CFH: variants seen among roughly 807,000 people sequenced by gnomAD.
CFH encodes the protein complement factor H, also known as H factor 1 (complement).
Under a neutral mutation model 147.3 loss-of-function variants are expected in CFH, and 53 were observed. The ratio of observed to expected loss-of-function variants is 0.36; its 90% CI spans 0.29 to 0.45. CFH has a LOEUF of 0.45. Among genes scored for constraint, CFH ranks in the 20% least tolerant of loss-of-function variants. CFH has a pLI of 1.00. For missense variants in CFH, 1,380 were observed against 1,498.0 expected, an observed-to-expected ratio of 0.92 and a Z score of 1.30; for synonymous variants, 536 against 489.4, an observed-to-expected ratio of 1.10 and a Z score of -1.26.
intron 20 of CFH, among the ~76,000 whole-genome samples, chr1:196,745,435 T>C (rs1652966388): frequency 6.6e-6 from 1 of 152,200 alleles, no homozygotes; most frequent in Non-Finnish European, 1.5e-5. Flanking sequence ...ATTAAGTATA[T>C]TCAGTGTTTT....
intron 6 of CFH, among the ~76,000 whole-genome samples, chr1:196,680,836 A>G (rs553600053): frequency 6.6e-6 from 1 of 152,028 alleles, no homozygotes; most frequent in Non-Finnish European, 1.5e-5. Context: ...TTTATACACT[A>G]AAAAAATTTT....
intron 2 of CFH, 104 bp from the exon 3 acceptor site, chr1:196,673,753 A>G: frequency 1.3e-6 from 1 of 784,822 alleles, no homozygotes; most frequent in Non-Finnish European, 2.3e-6. Context: ...CTTACATTCA[A>G]TCTGTCTTCT....
chr1:196,665,106 G>A (rs560210187), intron 1 of CFH, among the ~76,000 whole-genome samples: 1 of 151,442 alleles, frequency 6.6e-6, no homozygotes, highest in East Asian at 1.9e-4. Context: ...TCACGTTAAT[G>A]CCTGTTCTTA....
chr1:196,703,465 C>T (rs189437669), intron 9 of CFH, among the ~76,000 whole-genome samples: 1 of 152,268 alleles, frequency 6.6e-6, no homozygotes, highest in Admixed American at 6.5e-5. Flanking sequence ...CTTCTCCTGA[C>T]CCAGACAACA....
At chr1:196,658,197 C>A (rs933952948) in intron 1 of CFH, among the ~76,000 whole-genome samples, 4 of 151,702 alleles carry the variant, frequency 2.6e-5, no homozygotes, top group Admixed American at 1.3e-4. Flanking sequence ...AGTAGTTAAA[C>A]GTATTCACAC....
intron 21 of CFH, 137 bp from the exon 22 acceptor site, chr1:196,746,974 T>C (rs1185763621): frequency 1.8e-5 from 26 of 1,438,804 alleles, no homozygotes; most frequent in Non-Finnish European, 2.5e-5. Context: ...CAATATGATG[T>C]TTCTACATAG....
Position 196,652,098 on chromosome 1 carries a change from C to T in CFH, c.-20C>T, listed in dbSNP as rs760992411. 6.4e-7 allele frequency: 1 copy of T among 1,571,668 alleles called. No homozygotes were observed. The highest frequency in any genetic ancestry group is 1.1e-5 in the South Asian group (1 of 90,188). ...GTGAACAGAGTTAGCTGGTAAATGT[C>T]CTCTTAAAAGATCCAAAAAATGAGA... On this transcript the variant is annotated 5_prime_UTR_variant, in exon 1 of 22. Transcript: ENST00000367429.
intron 9 of CFH, chr1:196,701,582 G>A: frequency 1.9e-6 from 1 of 528,866 alleles, no homozygotes; most frequent in Non-Finnish European, 3.4e-6. Context: ...CTGTCTCAGT[G>A]TATTGTTCTG....
At chr1:196,686,771 C>A (rs1358118553) in intron 7 of CFH, among the ~76,000 whole-genome samples, 1 of 152,070 alleles carries the variant, frequency 6.6e-6, no homozygotes, top group African/African-American at 2.4e-5. Flanking sequence ...TGAGACCCAA[C>A]TATATTTGGA....
chr1:196,659,575 A>T (rs978239513), intron 1 of CFH, among the ~76,000 whole-genome samples: 2 of 152,168 alleles, frequency 1.3e-5, no homozygotes, highest in Admixed American at 1.3e-4. Flanking sequence ...TCATATTTAT[A>T]TGCACTTTTA....
At chr1:196,687,909 C>T (rs772797156) in intron 7 of CFH, among the ~76,000 whole-genome samples, 10 of 151,976 alleles carry the variant, frequency 6.6e-5, no homozygotes, top group Non-Finnish European at 1.3e-4. Flanking sequence ...AAAGAAGTAT[C>T]ATTCACTAGT....
chr1:196,718,529 G>A (rs1045773442), intron 11 of CFH, among the ~76,000 whole-genome samples: 2 of 152,076 alleles, frequency 1.3e-5, no homozygotes, highest in African/African-American at 4.8e-5. Context: ...CATTGGAAGA[G>A]TAGGCATGGA....
chr1:196,684,548 C>A (rs533716773), intron 6 of CFH, among the ~76,000 whole-genome samples: 6 of 151,740 alleles, frequency 4.0e-5, no homozygotes, highest in African/African-American at 1.5e-4. Context: ...GGAAAGAGAA[C>A]ATAAAAATTC....
rs527400846 is a variant in CFH at position 196,747,458 on chromosome 1, C to A, written c.*145C>A. ...TGAAAATGTAATTATAAGCTGAGAC[C>A]GGTGGCTCTCTTCTTAAAAGCACCA... On this transcript the variant is annotated 3_prime_UTR_variant, in exon 22 of 22. Transcript: ENST00000367429. 3 of 906,020 alleles carry A rather than the reference C, an allele frequency of 3.3e-6. No homozygotes were observed. The highest frequency in any genetic ancestry group is 3.5e-6 in the Non-Finnish European group (2 of 574,846). 56.1% of individuals were successfully genotyped at this position (906,020 alleles called of 1,614,324 possible). A position where few individuals can be genotyped will look rare whatever the true frequency, so the allele number is the denominator to read the frequency against.
chr1:196,731,519 G>A (rs750155475), intron 15 of CFH, among the ~76,000 whole-genome samples: 1 of 151,884 alleles, frequency 6.6e-6, no homozygotes, highest in Non-Finnish European at 1.5e-5. Flanking sequence ...CTTTATGCTA[G>A]CTGTATTTAC....
intron 5 of CFH, chr1:196,678,786 T>A (rs1667544143): frequency 6.6e-6 from 1 of 152,072 alleles, no homozygotes; most frequent in South Asian, 2.1e-4. Context: ...GCAGTGAGGC[T>A]TTAAGGAGCA....
chr1:196,666,002 C>T (rs1278252779), intron 1 of CFH, among the ~76,000 whole-genome samples: 4 of 152,186 alleles, frequency 2.6e-5, no homozygotes, highest in African/African-American at 9.7e-5. Context: ...GCCAAGGTTA[C>T]TTGGCTTGAA....
intron 9 of CFH, among the ~76,000 whole-genome samples, chr1:196,699,847 G>A (rs1177227733): frequency 6.6e-6 from 1 of 152,096 alleles, no homozygotes; most frequent in African/African-American, 2.4e-5. Flanking sequence ...ATTCAACTAG[G>A]CTTGTAGGAC....
intron 15 of CFH, among the ~76,000 whole-genome samples, chr1:196,730,067 C>T (rs1669247044): frequency 6.6e-6 from 1 of 151,460 alleles, no homozygotes; most frequent in African/African-American, 2.4e-5. Flanking sequence ...GCTTTGGGGG[C>T]TCTATTTTAC....
Sources: gnomAD v4.1 joint callset for allele counts (sites outside exome capture counted in the v4.1 genomes callset) on GRCh38, gnomAD v4.1.1 for gene constraint, MANE v1.5 for transcripts, NCBI Gene and HGNC (gene_info 2026-07-23, HGNC 2026-07-21) for gene names.